Variants in DLGAP1 observed in about 807,000 individuals in gnomAD.
DLGAP1 encodes the protein DLG associated protein 1, also known as disks large-associated protein 1.
A neutral mutation model predicts 90.8 loss-of-function variants in DLGAP1; 11 were observed. The observed-to-expected ratio is 0.12, with a 90% CI of 0.08 to 0.20. The LOEUF is 0.20. Among genes scored for constraint, DLGAP1 ranks in the 10% least tolerant of loss-of-function variants. DLGAP1 has a pLI of 1.00. For synonymous variants in DLGAP1, 558 were observed against 540.7 expected (o/e 1.03, Z -0.44); for missense variants, 1,050 against 1,333.8 (o/e 0.79, Z 3.31).
intron 6 of DLGAP1, among the ~76,000 whole-genome samples, chr18:3,741,842 TTTTTC>T (rs2063064332): frequency 1.7e-5 from 1 of 57,178 alleles, no homozygotes; most frequent in Admixed American, 1.6e-4. Flanking sequence ...TTTCTTTTTC[TTTTTC>T]TTTTTTTTTA....
intron 8 of DLGAP1, among the ~76,000 whole-genome samples, chr18:3,568,529 T>C (rs957988341): frequency 6.6e-6 from 1 of 151,990 alleles, no homozygotes; most frequent in Admixed American, 6.6e-5. Flanking sequence ...AGAAATGTTG[T>C]CTCTAAATAT....
intron 2 of DLGAP1, among the ~76,000 whole-genome samples, chr18:4,043,193 A>G (rs934635500): frequency 6.6e-6 from 1 of 152,246 alleles, no homozygotes; most frequent in Admixed American, 6.5e-5. Flanking sequence ...TGTAAATATA[A>G]TTTCTATACT....
intron 9 of DLGAP1, among the ~76,000 whole-genome samples, chr18:3,546,106 C>G (rs1210379569): frequency 6.6e-6 from 1 of 152,018 alleles, no homozygotes; most frequent in Admixed American, 6.6e-5. Context: ...CTATACTGAC[C>G]TTATTGGCAT....
At chr18:4,197,996 C>T (rs565294886) in intron 1 of DLGAP1, among the ~76,000 whole-genome samples, 2 of 152,016 alleles carry the variant, frequency 1.3e-5, no homozygotes, top group South Asian at 2.1e-4. Flanking sequence ...CTGAGGCGGG[C>T]GGATCACGAG....
intron 7 of DLGAP1, chr18:3,655,998 C>T (rs1015546462): frequency 7.7e-7 from 1 of 1,303,934 alleles, no homozygotes; most frequent in Non-Finnish European, 1.0e-6. Flanking sequence ...CGTCAAACAC[C>T]ACTGCCACAG....
chr18:3,576,470 A>G (rs2055145473), intron 8 of DLGAP1, among the ~76,000 whole-genome samples: 1 of 151,868 alleles, frequency 6.6e-6, no homozygotes, highest in Non-Finnish European at 1.5e-5. Flanking sequence ...CATCTTGGCC[A>G]GGCTGGTATT....
At chr18:4,169,586 C>T (rs1216636240) in intron 1 of DLGAP1, among the ~76,000 whole-genome samples, 2 of 152,292 alleles carry the variant, frequency 1.3e-5, no homozygotes, top group East Asian at 3.9e-4. Flanking sequence ...CCTCAATGCT[C>T]CGATCTCAAC....
chr18:3,522,021 G>A (rs1242045192), intron 10 of DLGAP1, among the ~76,000 whole-genome samples: 2 of 151,510 alleles, frequency 1.3e-5, no homozygotes, highest in East Asian at 3.9e-4. Context: ...TGACTAGCCT[G>A]GAAAAGTCAC....
chr18:4,262,984 G>C (rs1470560460), intron 1 of DLGAP1, among the ~76,000 whole-genome samples: 1 of 151,978 alleles, frequency 6.6e-6, no homozygotes, highest in Non-Finnish European at 1.5e-5. Context: ...CTAGGCTAGA[G>C]TGCAGTGGTG....
intron 3 of DLGAP1, among the ~76,000 whole-genome samples, chr18:3,898,131 ATTTAC>A (rs1298695231): frequency 1.3e-5 from 2 of 152,126 alleles, no homozygotes; most frequent in Non-Finnish European, 2.9e-5. Flanking sequence ...AACATTTGCA[ATTTAC>A]TTTATTTACT....
intron 2 of DLGAP1, among the ~76,000 whole-genome samples, chr18:4,036,794 A>G (rs1031142044): frequency 6.6e-6 from 1 of 152,208 alleles, no homozygotes; most frequent in Non-Finnish European, 1.5e-5. Flanking sequence ...ATGCTTAAGA[A>G]TGATGAAGAA....
chr18:3,926,707 T>C (rs953140360), intron 3 of DLGAP1, among the ~76,000 whole-genome samples: 2 of 152,098 alleles, frequency 1.3e-5, no homozygotes, highest in African/African-American at 4.8e-5. Context: ...TGTATATACG[T>C]ACATATTCAC....
intron 4 of DLGAP1, among the ~76,000 whole-genome samples, chr18:3,851,308 A>G (rs953697089): frequency 6.6e-6 from 1 of 152,192 alleles, no homozygotes; most frequent in African/African-American, 2.4e-5. Flanking sequence ...GTGTTACTGA[A>G]AGTGACGGCA....
intron 2 of DLGAP1, among the ~76,000 whole-genome samples, chr18:4,061,385 T>TA (rs71160935): frequency 0.87 from 131,806 of 152,098 alleles, 57,571 homozygotes; most frequent in African/African-American, 0.96. Context: ...ATTAATCTTA[T>TA]AAAAATCTGT....
intron 1 of DLGAP1, among the ~76,000 whole-genome samples, chr18:4,442,023 A>G (rs927646197): frequency 1.3e-5 from 2 of 152,008 alleles, no homozygotes; most frequent in African/African-American, 4.8e-5. Context: ...ACAGAATCTC[A>G]CTCTGTCGCC....
At chr18:4,269,904 G>A (rs1469401605) in intron 1 of DLGAP1, among the ~76,000 whole-genome samples, 1 of 152,096 alleles carries the variant, frequency 6.6e-6, no homozygotes, top group Non-Finnish European at 1.5e-5. Flanking sequence ...TTTAAATTCT[G>A]TTTGTAAAGT....
chr18:4,007,583 G>GA (rs2074329154), intron 2 of DLGAP1, among the ~76,000 whole-genome samples: 1 of 152,158 alleles, frequency 6.6e-6, no homozygotes, highest in Admixed American at 6.5e-5. Flanking sequence ...TTGAACCCAG[G>GA]AGGCAGAGTT....
chr18:3,968,369 T>C (rs1599238201), intron 3 of DLGAP1, among the ~76,000 whole-genome samples: 1 of 152,348 alleles, frequency 6.6e-6, no homozygotes, highest in East Asian at 1.9e-4. Context: ...TTTCTAGCAC[T>C]TGTCTATCTT....
chr18:3,813,608 T>A (rs974841889), intron 5 of DLGAP1, among the ~76,000 whole-genome samples: 1 of 152,218 alleles, frequency 6.6e-6, no homozygotes, highest in South Asian at 2.1e-4. Flanking sequence ...GGTCACACTC[T>A]ATAAGCTTCT....
Sources: allele counts gnomAD v4.1 joint callset (sites outside exome capture counted in the v4.1 genomes callset), GRCh38; gene constraint gnomAD v4.1.1; transcripts MANE v1.5; gene names NCBI Gene and HGNC (gene_info 2026-07-23, HGNC 2026-07-21).